Variants in LUC7L2 observed in about 807,000 individuals in gnomAD.
LUC7L2 encodes the protein putative RNA-binding protein Luc7-like 2.
Under a neutral mutation model 52.8 loss-of-function variants are expected in LUC7L2, and 25 were observed. That is an observed-to-expected ratio of 0.47 (90% CI 0.34 to 0.66). The LOEUF (loss-of-function observed/expected upper bound fraction) is 0.66, where lower values mean the gene tolerates loss of function less well. Ranked by LOEUF, LUC7L2 falls within the 30% of genes least tolerant of loss-of-function variation. LUC7L2 has a pLI of 0.01. For synonymous variants in LUC7L2, 144 were observed against 160.9 expected (o/e 0.89, Z 0.80); for missense variants, 328 against 497.8 (o/e 0.66, Z 3.25).
Position 139,412,217 on chromosome 7 carries a change from T to A in LUC7L2, c.780-334T>A, listed in dbSNP as rs540341109. 4.2e-4 allele frequency among the ~76,000 whole-genome samples: 52 copies of A among 124,854 alleles called. 1 individual carries two copies. In the East Asian group the frequency reaches 0.01, roughly 24 times the overall value. The allele number at this position is 124,854 out of a possible 152,430, so 81.9% of individuals were successfully genotyped here. A position where few individuals can be genotyped will look rare whatever the true frequency, so the allele number is the denominator to read the frequency against. ...CCTAGGCAACAAAAAATGTAAAAAT[T>A]AAAAAAAAAAAAAACAAAAACAAAA... On this transcript the variant is annotated intron_variant, in intron 7 of 9. Transcript: ENST00000354926.
intron 1 of LUC7L2, chr7:139,374,851 A>G: frequency 2.0e-6 from 2 of 1,006,244 alleles, no homozygotes; most frequent in South Asian, 8.7e-5. Flanking sequence ...ATGAAGGGGT[A>G]AAGTTTTAAT....
intron 1 of LUC7L2, among the ~76,000 whole-genome samples, chr7:139,364,050 C>T (rs1003496404): frequency 2.2e-5 from 3 of 137,358 alleles, no homozygotes; most frequent in African/African-American, 8.6e-5. Flanking sequence ...GGCACGATCT[C>T]GGCTCACTGC....
At chr7:139,369,144 A>G (rs774874320) in intron 1 of LUC7L2, among the ~76,000 whole-genome samples, 2 of 152,176 alleles carry the variant, frequency 1.3e-5, no homozygotes, top group Non-Finnish European at 2.9e-5. Flanking sequence ...TTGATAGCCA[A>G]AGATAGCTTT....
intron 1 of LUC7L2, among the ~76,000 whole-genome samples, chr7:139,363,688 G>T (rs1034860254): frequency 3.9e-5 from 6 of 152,078 alleles, no homozygotes; most frequent in African/African-American, 9.7e-5. Context: ...GGGATAATTT[G>T]TTTTCCCTGA....
intron 1 of LUC7L2, 47 bp from the exon 2 acceptor site, chr7:139,376,015 T>G: frequency 6.2e-7 from 1 of 1,601,684 alleles, no homozygotes; most frequent in Non-Finnish European, 8.5e-7. Context: ...CAGAAAATAC[T>G]TTCCAGTTGT....
chr7:139,385,894 A>C (rs1345009526), intron 2 of LUC7L2, among the ~76,000 whole-genome samples: 3 of 152,246 alleles, frequency 2.0e-5, no homozygotes. Context: ...TAAGGAAACA[A>C]GTGTGTTCTC....
At chr7:139,416,043 ATATATATATAT>A (rs1795590776) in intron 8 of LUC7L2, 2 of 5,286 alleles carry the variant, frequency 3.8e-4, no homozygotes, top group South Asian at 8.8e-3. Flanking sequence ...GGTATAAAAT[ATATATATATAT>A]ATATATATAT....
Position 139,346,280 on chromosome 7 carries a change from G to C in LUC7L2, c.-26+5763G>C, listed in dbSNP as rs191571353. 8.6e-5 allele frequency: 13 copies of C among 151,418 alleles called. No homozygotes were observed. The East Asian group carries it at 1.2e-3, about 13-fold the overall frequency. 9.4% of individuals were successfully genotyped at this position (151,418 alleles called of 1,614,324 possible). ...AAATTAGTATAAGCCTTTTGTTTAA[G>C]GAATTCAAATGTTATAAACATAAAA... On this transcript the variant is annotated intron_variant, in intron 1 of 10. Transcript: ENST00000541170.
intron 1 of LUC7L2, among the ~76,000 whole-genome samples, chr7:139,347,906 G>T (rs1422851480): frequency 6.6e-6 from 1 of 152,016 alleles, no homozygotes; most frequent in African/African-American, 2.4e-5. Context: ...TCACCATGTT[G>T]GCCAGGCTGG....
intron 3 of LUC7L2, among the ~76,000 whole-genome samples, 169 bp from the exon 4 acceptor site, chr7:139,401,968 G>T (rs1157090982): frequency 6.6e-6 from 1 of 152,010 alleles, no homozygotes; most frequent in Non-Finnish European, 1.5e-5. Flanking sequence ...GGCCAGGCTG[G>T]CCTCAAGTGA....
At chr7:139,404,314 A>G (rs893563465) in intron 4 of LUC7L2, among the ~76,000 whole-genome samples, 13 of 152,186 alleles carry the variant, frequency 8.5e-5, no homozygotes, top group Non-Finnish European at 1.8e-4. Flanking sequence ...GTTTGAGACC[A>G]GCCTGGCCAC....
At chr7:139,391,341 G>A (rs1003250785) in intron 2 of LUC7L2, among the ~76,000 whole-genome samples, 7 of 152,220 alleles carry the variant, frequency 4.6e-5, no homozygotes, top group African/African-American at 1.7e-4. Flanking sequence ...CTGGTTCTTA[G>A]AACTGAACAA....
Position 139,360,156 on chromosome 7 carries a change from C to T in LUC7L2, c.-106C>T. ...CCGCACGCCTCGAGGCGGCGGCGGC[C>T]ACCGAGACAGCAGCGCACCTTCCCC... On this transcript the variant is annotated 5_prime_UTR_variant, in exon 1 of 10. Coordinates refer to ENST00000354926, the MANE Select transcript of LUC7L2 (RefSeq NM_016019.5). 3 of 824,018 alleles carry T rather than the reference C, an allele frequency of 3.6e-6. No homozygotes were observed. Among genetic ancestry groups the T allele is most frequent in the Non-Finnish European group, 5.6e-6 (3 of 539,622 alleles). 51.0% of individuals were successfully genotyped at this position (824,018 alleles called of 1,614,324 possible).
intron 1 of LUC7L2, among the ~76,000 whole-genome samples, chr7:139,352,029 TA>T (rs1184295786): frequency 1.3e-5 from 2 of 151,550 alleles, no homozygotes; most frequent in Non-Finnish European, 2.9e-5. Flanking sequence ...ACCCTGTCTC[TA>T]AAAAAAATGT....
intron 2 of LUC7L2, among the ~76,000 whole-genome samples, chr7:139,395,082 C>A (rs989705417): frequency 2.6e-5 from 4 of 152,136 alleles, no homozygotes; most frequent in South Asian, 4.1e-4. Context: ...TGACATCTTG[C>A]ATTTTATGAA....
intron 7 of LUC7L2, among the ~76,000 whole-genome samples, chr7:139,410,971 T>G (rs1191886710): frequency 6.6e-6 from 1 of 152,224 alleles, no homozygotes; most frequent in Non-Finnish European, 1.5e-5. Flanking sequence ...CTTCATTTAC[T>G]GTAAAGTTTA....
At chr7:139,420,396 T>C (rs1203999349) in intron 9 of LUC7L2, among the ~76,000 whole-genome samples, 4 of 152,044 alleles carry the variant, frequency 2.6e-5, no homozygotes, top group African/African-American at 9.7e-5. Flanking sequence ...AGGGACAGGG[T>C]TACGCCATGT....
chr7:139,342,681 T>G (rs560706162), intron 1 of LUC7L2, among the ~76,000 whole-genome samples: 1 of 152,294 alleles, frequency 6.6e-6, no homozygotes, highest in South Asian at 2.1e-4. Flanking sequence ...AGGCTGGTCT[T>G]GAACTCCTGA....
upstream of LUC7L2, among the ~76,000 whole-genome samples, chr7:139,357,014 A>G (rs1473460013): frequency 6.6e-6 from 1 of 152,308 alleles, no homozygotes. Context: ...GATGAGAGTA[A>G]ATGGAGTTAG....
Sources: allele counts gnomAD v4.1 joint callset (sites outside exome capture counted in the v4.1 genomes callset), GRCh38; gene constraint gnomAD v4.1.1; transcripts MANE v1.5; gene names NCBI Gene and HGNC (gene_info 2026-07-23, HGNC 2026-07-21).